MCF2: variants seen among roughly 807,000 people sequenced by gnomAD.
MCF2 encodes the protein MCF.2 cell line derived transforming sequence, also known as proto-oncogene DBL.
A neutral mutation model predicts 82.5 loss-of-function variants in MCF2; 44 were observed. The observed-to-expected ratio is 0.53, with a 90% CI of 0.42 to 0.69. MCF2 has a LOEUF of 0.69. MCF2 is among the 30% of genes least tolerant of loss of function. The pLI, the probability that MCF2 is intolerant of heterozygous loss-of-function variation, is 0.00. For synonymous variants in MCF2, 217 were observed against 224.9 expected (o/e 0.96, Z 0.32); for missense variants, 623 against 663.1 (o/e 0.94, Z 0.66).
At chrX:139,594,295 T>C (rs1464831950) in intron 19 of MCF2, among the ~76,000 whole-genome samples, 1,704 of 111,040 alleles carry the variant, frequency 0.015, 33 homozygotes, top group African/African-American at 0.053. Context: ...AGAACAAAGC[T>C]GGAGGCATCA....
At chrX:139,626,398 G>T in intron 5 of MCF2, 91 bp from the exon 9 acceptor site, 1 of 614,742 alleles carries the variant, frequency 1.6e-6, no homozygotes, top group Non-Finnish European at 2.6e-6. Flanking sequence ...AAGAATTATA[G>T]GCAAAGTCAT....
chrX:139,644,665 C>T (rs1197490812), upstream of MCF2, among the ~76,000 whole-genome samples: 1 of 112,480 alleles, frequency 8.9e-6, no homozygotes, highest in African/African-American at 3.2e-5. Flanking sequence ...GTCCAACAAC[C>T]TAGATTTTTG....
rs1313661742 is a variant in MCF2 at position 139,616,476 on chromosome X, G to A, written c.1000-3C>T. On this transcript the variant is annotated splice_polypyrimidine_tract_variant and splice_region_variant and intron_variant, in intron 8 of 24. Coordinates refer to ENST00000370576, the Ensembl canonical transcript of MCF2. ...CCTTCATCACAGCATTGACGAGCCTGGTAAGAAAATCAAGAAGAAAAAAAA... is the reference window on the plus strand; with the variant it reads ...CCTTCATCACAGCATTGACGAGCCTAGTAAGAAAATCAAGAAGAAAAAAAA... 1 of 1,024,404 alleles carries A rather than the reference G, an allele frequency of 9.8e-7. No individual in the cohort carries two copies. The highest frequency in any genetic ancestry group is 1.3e-6 in the Non-Finnish European group (1 of 783,873). 84.4% of individuals were successfully genotyped at this position (1,024,404 alleles called of 1,213,427 possible). A position where few individuals can be genotyped will look rare whatever the true frequency, so the allele number is the denominator to read the frequency against.
At chrX:139,587,583 T>C in intron 22 of MCF2, 133 bp downstream of exon 26, 1 of 466,200 alleles carries the variant, frequency 2.1e-6, no homozygotes, top group East Asian at 3.6e-5. Context: ...AAAATGATGT[T>C]TATGGAATTT....
intron 11 of MCF2, 92 bp downstream of exon 15, chrX:139,610,209 T>C: frequency 1.8e-6 from 1 of 571,042 alleles, no homozygotes; most frequent in East Asian, 4.0e-5. Context: ...GACACAATAT[T>C]TGTCTAGTGA....
chrX:139,683,076 T>A (rs1246780065), intron 1 of MCF2, among the ~76,000 whole-genome samples: 1 of 110,643 alleles, frequency 9.0e-6, no homozygotes, highest in Admixed American at 9.7e-5. Context: ...ACTACAGGAG[T>A]GTGCCACCAT....
intron 19 of MCF2, among the ~76,000 whole-genome samples, chrX:139,591,320 T>C (rs979846564): frequency 1.8e-5 from 2 of 111,481 alleles, no homozygotes; most frequent in Non-Finnish European, 3.8e-5. Flanking sequence ...AAAGTGTGAG[T>C]TTGCTTTCTA....
exon 14 of MCF2, chrX:139,604,958 T>C: frequency 8.5e-7 from 1 of 1,181,924 alleles, no homozygotes. Flanking sequence ...CAAACATCTC[T>C]GGATTATCCA....
intron 1 of MCF2, among the ~76,000 whole-genome samples, chrX:139,696,593 T>A (rs1935390029): frequency 9.1e-6 from 1 of 110,190 alleles, no homozygotes; most frequent in Non-Finnish European, 1.9e-5. Context: ...CTGGCTAATT[T>A]TTCTATTTTT....
chrX:139,662,447 C>T (rs899988862), intron 1 of MCF2, among the ~76,000 whole-genome samples: 1 of 110,414 alleles, frequency 9.1e-6, no homozygotes, highest in Admixed American at 9.6e-5. Context: ...TCACAGTTCC[C>T]GATTTCAAAG....
At chrX:139,600,111 T>G (rs993440719) in intron 16 of MCF2, among the ~76,000 whole-genome samples, 1 of 111,474 alleles carries the variant, frequency 9.0e-6, no homozygotes, top group East Asian at 2.8e-4. Context: ...ATGTCCAGAA[T>G]AGGCAAATCT....
chrX:139,697,003 T>C (rs187528144), intron 1 of MCF2, among the ~76,000 whole-genome samples: 1 of 112,373 alleles, frequency 8.9e-6, no homozygotes, highest in Non-Finnish European at 1.9e-5. Flanking sequence ...GCCTGCCTAG[T>C]TGGCATCTAT....
intron 1 of MCF2, among the ~76,000 whole-genome samples, chrX:139,698,543 A>T (rs1439561313): frequency 3.6e-5 from 4 of 112,263 alleles, no homozygotes; most frequent in Non-Finnish European, 7.5e-5. Flanking sequence ...ATCTGAAAAG[A>T]TGACCAAGTT....
Position 139,622,628 on chromosome X carries a change from G to A in MCF2, c.688-2922C>T, listed in dbSNP as rs1241439846. On this transcript the variant is annotated intron_variant, in intron 6 of 24. Coordinates refer to ENST00000370576, the Ensembl canonical transcript of MCF2. ...CATCATTCTCAGCAAACTATCGCAA[G>A]GACAAAAAAACCAAACACCGCATGT... Among the ~76,000 whole-genome samples, 3 of 109,538 alleles carry A rather than the reference G, an allele frequency of 2.7e-5. No homozygotes were observed. In the East Asian group the frequency reaches 8.7e-4, roughly 32 times the overall value.
At chrX:139,704,891 C>A (rs910260163) in intron 1 of MCF2, among the ~76,000 whole-genome samples, 7 of 109,656 alleles carry the variant, frequency 6.4e-5, no homozygotes, top group Non-Finnish European at 1.3e-4. Context: ...AAAAAAAAAA[C>A]TATTCTAAAA....
At chrX:139,610,548 C>T (rs1931419144) in intron 10 of MCF2, among the ~76,000 whole-genome samples, 1 of 111,796 alleles carries the variant, frequency 8.9e-6, no homozygotes, top group African/African-American at 3.2e-5. Flanking sequence ...TATGTATTCA[C>T]CCATTCTCTC....
At chrX:139,695,186 A>G (rs1332302906) in intron 1 of MCF2, among the ~76,000 whole-genome samples, 1 of 109,314 alleles carries the variant, frequency 9.1e-6, no homozygotes, top group African/African-American at 3.3e-5. Flanking sequence ...ACGTGCCACC[A>G]CACTGGCTAA....
At chrX:139,700,323 G>A (rs1935464582) in intron 1 of MCF2, among the ~76,000 whole-genome samples, 1 of 111,007 alleles carries the variant, frequency 9.0e-6, no homozygotes, top group Admixed American at 9.6e-5. Context: ...TAATTTGTTC[G>A]ACCCAGAATC....
intron 1 of MCF2, among the ~76,000 whole-genome samples, chrX:139,705,924 C>T (rs5954271): frequency 0.061 from 6,860 of 111,978 alleles, 409 homozygotes; most frequent in African/African-American, 0.18. Context: ...AGGCACTTTT[C>T]GAAAGAAGAC....
Sources: gnomAD v4.1 joint callset for allele counts (sites outside exome capture counted in the v4.1 genomes callset) on GRCh38, gnomAD v4.1.1 for gene constraint, MANE v1.5 for transcripts, NCBI Gene and HGNC (gene_info 2026-07-23, HGNC 2026-07-21) for gene names.